Variants in LAMA1 observed in about 807,000 individuals in gnomAD.
The protein encoded by LAMA1 is laminin subunit alpha 1.
Under a neutral mutation model 348.7 loss-of-function variants are expected in LAMA1, and 219 were observed. The observed-to-expected ratio is 0.63, with a 90% confidence interval of 0.56 to 0.70. The LOEUF is 0.70. LAMA1 is among the 30% of genes least tolerant of loss of function. The probability of loss-of-function intolerance (pLI) is 0.00; values close to 1 mark genes in which losing one functional copy is unlikely to be tolerated. For synonymous variants in LAMA1, 1,487 were observed against 1,491.0 expected, an observed-to-expected ratio of 1.00 and a Z score of 0.06; for missense variants, 3,744 against 3,888.0, an observed-to-expected ratio of 0.96 and a Z score of 0.99.
At chr18:6,971,172 T>A (rs2057656563) in intron 48 of LAMA1, among the ~76,000 whole-genome samples, 1 of 152,144 alleles carries the variant, frequency 6.6e-6, no homozygotes, top group Non-Finnish European at 1.5e-5. Flanking sequence ...GGAAAACAGG[T>A]TTTATATACT....
chr18:7,117,142 C>T (rs1405595415), intron 1 of LAMA1, among the ~76,000 whole-genome samples: 2 of 152,328 alleles, frequency 1.3e-5, no homozygotes, highest in Non-Finnish European at 2.9e-5. Flanking sequence ...CGCTTGGCTG[C>T]CAGGGGCCCC....
At chr18:6,974,006 C>T (rs1280593247) in intron 46 of LAMA1, among the ~76,000 whole-genome samples, 4 of 152,054 alleles carry the variant, frequency 2.6e-5, no homozygotes, top group African/African-American at 4.8e-5. Context: ...ACCTCAAACT[C>T]CTTCTTGCTC....
chr18:6,996,561 T>G (rs2057782163), intron 33 of LAMA1, among the ~76,000 whole-genome samples: 1 of 152,074 alleles, frequency 6.6e-6, no homozygotes. Flanking sequence ...TCTCTTGAGC[T>G]TAGGAGTTCA....
At chr18:7,055,981 G>A (rs147657188) in intron 3 of LAMA1, among the ~76,000 whole-genome samples, 4,012 of 152,064 alleles carry the variant, frequency 0.026, 170 homozygotes, top group African/African-American at 0.089. Flanking sequence ...TCGAGAAGCT[G>A]AGGCAGGAGA....
At chr18:6,965,990 A>G in intron 49 of LAMA1, 157 bp downstream of exon 49, 1 of 751,810 alleles carries the variant, frequency 1.3e-6, no homozygotes, top group Non-Finnish European at 2.1e-6. Context: ...GAAATTGTTT[A>G]GCACACACAT....
chr18:7,009,414 A>T, intron 26 of LAMA1, 48 bp from the exon 27 acceptor site: 1 of 1,599,864 alleles, frequency 6.3e-7, no homozygotes. Context: ...CCAAATTCTG[A>T]CAGGCATAAA....
intron 4 of LAMA1, among the ~76,000 whole-genome samples, chr18:7,049,486 G>A (rs1248103969): frequency 6.6e-6 from 1 of 152,104 alleles, no homozygotes; most frequent in Non-Finnish European, 1.5e-5. Context: ...TTTTAGTAGA[G>A]ACAGGGTTTC....
chr18:7,057,348 C>A (rs2058085714), intron 3 of LAMA1, among the ~76,000 whole-genome samples: 1 of 152,040 alleles, frequency 6.6e-6, no homozygotes, highest in African/African-American at 2.4e-5. Flanking sequence ...TGCTGCACTA[C>A]TTCTATATAT....
intron 48 of LAMA1, among the ~76,000 whole-genome samples, chr18:6,969,454 T>A (rs1293990007): frequency 6.6e-6 from 1 of 152,216 alleles, no homozygotes; most frequent in African/African-American, 2.4e-5. Flanking sequence ...AAGGCTCCGA[T>A]GGCCTCGCAG....
chr18:7,058,947 T>C (rs1239173012), intron 3 of LAMA1, among the ~76,000 whole-genome samples: 1 of 152,196 alleles, frequency 6.6e-6, no homozygotes, highest in Non-Finnish European at 1.5e-5. Context: ...TGGAGTGCAA[T>C]GGCACAATCT....
At position 6,977,825 on chromosome 18, in the gene LAMA1, C is replaced by T; in HGVS notation, c.6247G>A (p.Asp2083Asn). 6.2e-6 allele frequency: 10 copies of T among 1,614,124 alleles called. No individual in the cohort carries two copies. The highest frequency in any genetic ancestry group is 8.5e-6 in the Non-Finnish European group (10 of 1,180,036). ...AACATCTTCAAAGGCTTCAACCGAT[C>T]AAACAAAAGGTTGGCTTGAATTTCC... ...DVEIQANLLF[D>N]RLKPLKMLEE... The change falls in exon 44 of 63, where the codon GAT becomes AAT. Residue 2083 changes from aspartate (D) to asparagine (N), a missense_variant. Physicochemically the swap from Asp to Asn is conservative, Grantham distance 23 (BLOSUM62 1). Coordinates refer to ENST00000389658, the MANE Select transcript of LAMA1 (RefSeq NM_005559.4).
At chr18:7,032,410 C>A (rs887397223) in intron 15 of LAMA1, among the ~76,000 whole-genome samples, 1 of 152,206 alleles carries the variant, frequency 6.6e-6, no homozygotes, top group African/African-American at 2.4e-5. Flanking sequence ...GGTAGAAACA[C>A]ACACACAAAA....
chr18:6,980,692 T>A, intron 41 of LAMA1, 55 bp from the exon 42 acceptor site: 1 of 983,638 alleles, frequency 1.0e-6, no homozygotes, highest in Non-Finnish European at 1.6e-6. Flanking sequence ...AAAAGTTGCC[T>A]AGGCAACAGC....
chr18:7,115,610 A>T (rs1440767755), intron 1 of LAMA1, among the ~76,000 whole-genome samples: 1 of 151,782 alleles, frequency 6.6e-6, no homozygotes, highest in Non-Finnish European at 1.5e-5. Flanking sequence ...AGGATTATTG[A>T]CCAAAACACA....
In LAMA1 at chr18:7,026,034, C is replaced by G. The variant is rs2057941440; in HGVS notation, c.2347G>C (p.Gly783Arg). ...CAGGGCTGGCAGTCCCCAGGTGTCCCTCGGGAAGGCTCCCCGTAGAAGCCG... is the reference window on the plus strand; with the variant it reads ...CAGGGCTGGCAGTCCCCAGGTGTCCGTCGGGAAGGCTCCCCGTAGAAGCCG... Reference protein sequence around the residue: ...LPGFYGEPSRGTPGDCQPCAC... With the variant: ...LPGFYGEPSRRTPGDCQPCAC... The change falls in exon 17 of 63, where the codon GGG becomes CGG. Residue 783 changes from glycine (G) to arginine (R), a missense_variant. Physicochemically the swap from Gly to Arg is moderately radical, Grantham distance 125 (BLOSUM62 -2). Coordinates refer to ENST00000389658, the MANE Select transcript of LAMA1 (RefSeq NM_005559.4). The G allele has an allele frequency of 9.3e-6, 15 of 1,609,538 alleles. No homozygotes were observed. Among genetic ancestry groups the G allele is most frequent in the Non-Finnish European group, 1.1e-5 (13 of 1,177,790 alleles).
chr18:7,002,468 C>A, intron 29 of LAMA1, 83 bp from the exon 30 acceptor site: 1 of 1,385,818 alleles, frequency 7.2e-7, no homozygotes, highest in Non-Finnish European at 1.0e-6. Context: ...TAAGCACTGC[C>A]ACGTTTTATA....
At chr18:6,963,089 T>C (rs1416243797) in intron 51 of LAMA1, among the ~76,000 whole-genome samples, 2 of 151,854 alleles carry the variant, frequency 1.3e-5, no homozygotes, top group Non-Finnish European at 2.9e-5. Context: ...TGTTGAACAA[T>C]GAGCTATGGA....
chr18:7,038,371 C>T (rs1165123670), intron 11 of LAMA1, among the ~76,000 whole-genome samples: 2 of 152,140 alleles, frequency 1.3e-5, no homozygotes, highest in African/African-American at 4.8e-5. Flanking sequence ...GGCCTGCATT[C>T]CTAAACCCTG....
chr18:7,088,967 C>T (rs1251928465), intron 1 of LAMA1, among the ~76,000 whole-genome samples: 1 of 151,898 alleles, frequency 6.6e-6, no homozygotes, highest in East Asian at 1.9e-4. Flanking sequence ...ATTTCGCCAC[C>T]GCACTCCAGC....
Sources: gnomAD v4.1 joint callset for allele counts (sites outside exome capture counted in the v4.1 genomes callset) on GRCh38, gnomAD v4.1.1 for gene constraint, MANE v1.5 for transcripts, NCBI Gene and HGNC (gene_info 2026-07-23, HGNC 2026-07-21) for gene names.